The following ALPK2 variants were observed in gnomAD, a reference collection of about 807,000 sequenced individuals.
The protein encoded by ALPK2 is alpha kinase 2.
ALPK2 carries 127 observed loss-of-function variants against 163.1 expected under a neutral mutation model. That is an observed-to-expected ratio of 0.78 (90% CI 0.67 to 0.90). ALPK2 has a LOEUF of 0.90. ALPK2 is among the 40% of genes least tolerant of loss of function. The probability of loss-of-function intolerance (pLI) is 0.00; values close to 1 mark genes in which losing one functional copy is unlikely to be tolerated. For synonymous variants in ALPK2, 953 were observed against 959.1 expected, an observed-to-expected ratio of 0.99 and a Z score of 0.12; for missense variants, 2,360 against 2,589.6, an observed-to-expected ratio of 0.91 and a Z score of 1.92.
intron 10 of ALPK2, among the ~76,000 whole-genome samples, chr18:58,506,985 A>G (rs1457346013): frequency 6.6e-6 from 1 of 152,232 alleles, no homozygotes; most frequent in Non-Finnish European, 1.5e-5. Context: ...GTAAATAGCC[A>G]GAGAAGAGAT....
chr18:58,564,123 C>CTTTTTTTTTTTTT (rs10689097), intron 4 of ALPK2, among the ~76,000 whole-genome samples: 2,600 of 102,188 alleles, frequency 0.025, 295 homozygotes, highest in Non-Finnish European at 0.03. Flanking sequence ...TGTCTTTGTT[C>CTTTTTTTTTTTTT]TTTTTTTTTT....
intron 1 of ALPK2, among the ~76,000 whole-genome samples, chr18:58,620,716 G>A (rs2144241246): frequency 6.6e-6 from 1 of 152,278 alleles, no homozygotes; most frequent in East Asian, 1.9e-4. Context: ...TAGGAGCAAG[G>A]AGGCAAAAAT....
chr18:58,592,988 C>G (rs535089769), intron 3 of ALPK2, among the ~76,000 whole-genome samples: 2 of 152,146 alleles, frequency 1.3e-5, no homozygotes, highest in Non-Finnish European at 2.9e-5. Context: ...TGACTTGGAG[C>G]GCTTCGTAAA....
At chr18:58,581,590 G>C (rs577516698) in intron 3 of ALPK2, among the ~76,000 whole-genome samples, 2 of 152,336 alleles carry the variant, frequency 1.3e-5, no homozygotes, top group Non-Finnish European at 2.9e-5. Context: ...GGAGCCTGCA[G>C]CCTGACATAC....
At chr18:58,586,251 C>T (rs1019540665) in intron 3 of ALPK2, among the ~76,000 whole-genome samples, 2 of 152,188 alleles carry the variant, frequency 1.3e-5, no homozygotes, top group Middle Eastern at 3.4e-3. Context: ...TATCAGAGAA[C>T]AGTGTAAATC....
At position 58,537,102 on chromosome 18, in the gene ALPK2, C is replaced by G. The variant is rs562226184; in HGVS notation, c.3085G>C (p.Glu1029Gln). Residue 1029 changes from glutamate (E) to glutamine (Q), a missense_variant, in exon 5 of 13, where the codon GAG becomes CAG. Glu to Gln is a conservative substitution (Grantham distance 29, BLOSUM62 2). Coordinates refer to ENST00000361673, the MANE Select transcript of ALPK2 (RefSeq NM_052947.4). ...PAKYLAVSIP[E>Q]DKHAGGTEER... ...TCAGTGCCACCTGCATGCTTGTCCT[C>G]AGGAATTGACACAGCAAGGTATTTG... 3 of 1,614,196 alleles carry G rather than the reference C, an allele frequency of 1.9e-6. No individual in the cohort carries two copies. Among genetic ancestry groups the G allele is most frequent in the Admixed American group, 3.3e-5 (2 of 60,028 alleles).
intron 4 of ALPK2, chr18:58,566,588 A>T (rs2051854503): frequency 6.6e-6 from 1 of 152,222 alleles, no homozygotes. Flanking sequence ...CCTTATTGCC[A>T]AGTGACCCTC....
At chr18:58,543,510 A>G (rs1482198852) in intron 4 of ALPK2, 1 of 489,858 alleles carries the variant, frequency 2.0e-6, no homozygotes, top group African/African-American at 2.1e-5. Context: ...GTATCACTAC[A>G]CTAAGGCTAC....
At chr18:58,591,853 G>A (rs568467148) in intron 3 of ALPK2, among the ~76,000 whole-genome samples, 1 of 152,322 alleles carries the variant, frequency 6.6e-6, no homozygotes, top group African/African-American at 2.4e-5. Context: ...CAAAGCAACA[G>A]GCAGAGACTG....
At chr18:58,508,216 T>C (rs970367122) in intron 10 of ALPK2, among the ~76,000 whole-genome samples, 1 of 151,936 alleles carries the variant, frequency 6.6e-6, no homozygotes, top group Middle Eastern at 3.2e-3. Flanking sequence ...TCTAAACTAT[T>C]AAAACAAACA....
intron 10 of ALPK2, among the ~76,000 whole-genome samples, chr18:58,506,829 C>T (rs1000581044): frequency 1.3e-5 from 2 of 152,188 alleles, no homozygotes; most frequent in African/African-American, 2.4e-5. Context: ...GTCCTGTGCA[C>T]GTAGCCTGTT....
At chr18:58,553,494 A>G (rs1265797097) in intron 4 of ALPK2, among the ~76,000 whole-genome samples, 1 of 152,112 alleles carries the variant, frequency 6.6e-6, no homozygotes, top group Non-Finnish European at 1.5e-5. Flanking sequence ...AAATGTTGAT[A>G]TGTTTAGGCT....
At chr18:58,621,101 C>G (rs1035078804) in intron 1 of ALPK2, among the ~76,000 whole-genome samples, 1 of 150,512 alleles carries the variant, frequency 6.6e-6, no homozygotes, top group Non-Finnish European at 1.5e-5. Flanking sequence ...TGCAGTGAGC[C>G]GTGACTGCAC....
intron 4 of ALPK2, among the ~76,000 whole-genome samples, chr18:58,564,321 C>T (rs2051840236): frequency 6.6e-6 from 1 of 151,674 alleles, no homozygotes; most frequent in South Asian, 2.1e-4. Flanking sequence ...GGGGTTTCTC[C>T]ATGTTGGTCA....
At position 58,537,427 on chromosome 18, in the gene ALPK2, T is replaced by C; in HGVS notation, c.2760A>G (p.Pro920=). The C allele has an allele frequency of 5.0e-6, 8 of 1,613,276 alleles. No homozygotes were observed. Among genetic ancestry groups the C allele is most frequent in the Non-Finnish European group, 6.8e-6 (8 of 1,179,446 alleles). ...NLAKVENSTY[P]LASTVHAGQE... is the part of the protein sequence containing the mutation. The stretch of plus-strand genomic sequence containing the variant: ...GGCCAGCATGTACTGTGGAGGCCAG[T>C]GGGTAGGTGGAATTCTCCACCTTGG... Residue 920 remains proline (P), a synonymous_variant, in exon 5 of 13, where the codon CCA becomes CCG. Coordinates refer to ENST00000361673, the MANE Select transcript of ALPK2 (RefSeq NM_052947.4).
chr18:58,530,638 C>T (rs1367132634), intron 5 of ALPK2, among the ~76,000 whole-genome samples: 2 of 152,054 alleles, frequency 1.3e-5, no homozygotes, highest in East Asian at 1.9e-4. Flanking sequence ...TGGAGGATGG[C>T]GGGAAGGGCA....
chr18:58,542,593 A>G (rs748323122), intron 4 of ALPK2, among the ~76,000 whole-genome samples: 2 of 152,220 alleles, frequency 1.3e-5, no homozygotes, highest in Non-Finnish European at 2.9e-5. Context: ...TATAAGGTAT[A>G]AGGAAACTGT....
At chr18:58,510,761 C>A (rs1602193077) in intron 10 of ALPK2, among the ~76,000 whole-genome samples, 1 of 152,158 alleles carries the variant, frequency 6.6e-6, no homozygotes, top group African/African-American at 2.4e-5. Context: ...TCTGAAGTTG[C>A]TTATCAGCTT....
rs757036024 is a variant in ALPK2, at chr18:58,515,093, A to ATATAG, written c.5941-13_5941-12insCTATA. On this transcript the variant is annotated splice_polypyrimidine_tract_variant and intron_variant, in intron 9 of 12. Transcript: ENST00000361673. ...TGAACATAGCATTCCTATATCGCCA[A>ATATAG]AATACATAGAAAGCCCCAGTGACTA... The ATATAG allele has an allele frequency of 2.4e-5, 39 of 1,596,006 alleles. No homozygotes were observed. Among genetic ancestry groups the ATATAG allele is most frequent in the Middle Eastern group, 1.7e-4 (1 of 6,012 alleles).
Sources: gnomAD v4.1 joint callset for allele counts (sites outside exome capture counted in the v4.1 genomes callset) on GRCh38, gnomAD v4.1.1 for gene constraint, MANE v1.5 for transcripts, NCBI Gene and HGNC (gene_info 2026-07-23, HGNC 2026-07-21) for gene names.